MATR3: variants seen among roughly 807,000 people sequenced by gnomAD.
MATR3 encodes matrin 3, also known as matrin-3.
MATR3 carries 4 observed loss-of-function variants against 85.5 expected under a neutral mutation model. The ratio of observed to expected loss-of-function variants is 0.05; its 90% confidence interval spans 0.02 to 0.11. The LOEUF (loss-of-function observed/expected upper bound fraction) is 0.11, where lower values mean the gene tolerates loss of function less well. Among genes scored for constraint, MATR3 ranks in the 10% least tolerant of loss-of-function variants. The pLI is 1.00. For synonymous variants in MATR3, 336 were observed against 343.1 expected (o/e 0.98, Z 0.23); for missense variants, 685 against 1,016.1 (o/e 0.67, Z 4.43).
rs73255234 is a variant in MATR3, at chr5:139,317,405, G to A, written c.1183-191G>A. 0.019 allele frequency among the ~76,000 whole-genome samples: 2,850 copies of A among 152,200 alleles called. 103 individuals are homozygous for A. The highest frequency in any genetic ancestry group is 0.065 in the African/African-American group (2,714 of 41,506). On this transcript the variant is annotated intron_variant, in intron 6 of 14. Transcript: ENST00000394805. ...TTTGACACTTTGAAGTAGTTTAACC[G>A]TTTGGTTATGGTCAGAAAGAACTTA... is the stretch of plus-strand genomic sequence containing the variant.
At chr5:139,278,232 A>AT (rs1561917303) in intron 2 of MATR3, 3 of 318,084 alleles carry the variant, frequency 9.4e-6, no homozygotes, top group Admixed American at 3.3e-5. Context: ...TATCTCAAAA[A>AT]ATATATATAT....
chr5:139,304,737 G>C (rs1198123600), intron 1 of MATR3, among the ~76,000 whole-genome samples: 1 of 152,132 alleles, frequency 6.6e-6, no homozygotes, highest in Non-Finnish European at 1.5e-5. Context: ...TTAACCTCTA[G>C]TGCAGTTTCC....
intron 6 of MATR3, among the ~76,000 whole-genome samples, 156 bp from the exon 7 acceptor site, chr5:139,317,440 G>A (rs185853996): frequency 5.9e-5 from 9 of 152,266 alleles, no homozygotes; most frequent in African/African-American, 1.7e-4. Flanking sequence ...ACCCAGTGAC[G>A]TTTGATATGT....
chr5:139,314,868 A>G, intron 3 of MATR3, 132 bp downstream of exon 3: 1 of 758,688 alleles, frequency 1.3e-6, no homozygotes, highest in Non-Finnish European at 2.3e-6. Flanking sequence ...TATGGACAAT[A>G]CTATTTACAA....
rs1037691202 is a variant in MATR3 at position 139,294,052 on chromosome 5, C to G, written c.-178+247C>G. 12 of 1,249,278 alleles carry G rather than the reference C, an allele frequency of 9.6e-6. No homozygotes were observed. The African/African-American group carries it at 1.2e-4, about 13-fold the overall frequency. The allele number at this position is 1,249,278 out of a possible 1,614,324, so 77.4% of individuals were successfully genotyped here. ...AGGTGAGCGGTCCGGGAGGGAAACA[C>G]GCGGCCGGCCAAGGGCCCAGGGTGC... is the stretch of plus-strand genomic sequence containing the variant. On this transcript the variant is annotated intron_variant, in intron 1 of 14. Coordinates refer to ENST00000394805, the MANE Select transcript of MATR3 (RefSeq NM_018834.6).
At position 139,315,889 on chromosome 5, in the gene MATR3, G is replaced by C. The variant is rs557029204; in HGVS notation, c.1016+151G>C. On this transcript the variant is annotated intron_variant, in intron 4 of 14. Coordinates refer to ENST00000394805, the MANE Select transcript of MATR3 (RefSeq NM_018834.6). The stretch of plus-strand genomic sequence containing the variant: ...AATTCACTTTGGTTAACAATTTTTA[G>C]AATATATATTATGTAGTAATTTGTA... 5.5e-4 allele frequency: 432 copies of C among 779,506 alleles called. 10 individuals are homozygous for C. The South Asian group carries it at 6.6e-3, about 12-fold the overall frequency. The allele number at this position is 779,506 out of a possible 1,614,324, so 48.3% of individuals were successfully genotyped here.
At chr5:139,313,943 C>G (rs576556442) in intron 2 of MATR3, 1 of 151,904 alleles carries the variant, frequency 6.6e-6, no homozygotes, top group Admixed American at 6.6e-5. Flanking sequence ...TGTTTTGAGA[C>G]GGAGTCTTTG....
At chr5:139,317,240 C>G (rs1388462895) in intron 6 of MATR3, 135 bp downstream of exon 6, 5 of 933,030 alleles carry the variant, frequency 5.4e-6, no homozygotes, top group Non-Finnish European at 8.5e-6. Flanking sequence ...TCACGTTTTT[C>G]TATGGCTTTG....
chr5:139,296,166 A>G (rs569773816), intron 1 of MATR3, among the ~76,000 whole-genome samples: 21 of 152,316 alleles, frequency 1.4e-4, no homozygotes, highest in African/African-American at 5.1e-4. Flanking sequence ...GCGTATATAA[A>G]TTTAATATCA....
chr5:139,305,582 A>C (rs1291083881), intron 1 of MATR3, among the ~76,000 whole-genome samples: 1 of 152,172 alleles, frequency 6.6e-6, no homozygotes, highest in Admixed American at 6.5e-5. Flanking sequence ...TTTACATAGC[A>C]TCTCAGCCGC....
At chr5:139,305,698 A>ACC (rs1248911201) in intron 1 of MATR3, among the ~76,000 whole-genome samples, 1 of 152,108 alleles carries the variant, frequency 6.6e-6, no homozygotes, top group Non-Finnish European at 1.5e-5. Flanking sequence ...TACATAGTGG[A>ACC]TCTTGTCTAG....
intron 1 of MATR3, among the ~76,000 whole-genome samples, chr5:139,301,717 T>C (rs1754454248): frequency 6.6e-6 from 1 of 152,214 alleles, no homozygotes; most frequent in Admixed American, 6.5e-5. Context: ...ACAATGAACA[T>C]CATCAGGTAC....
chr5:139,325,683 C>T (rs751820587), intron 13 of MATR3, 21 bp downstream of exon 13: 23 of 1,586,390 alleles, frequency 1.4e-5, no homozygotes, highest in African/African-American at 1.2e-4. Flanking sequence ...AGTCTTTGTT[C>T]TTCACCTTCC....
chr5:139,323,578 C>T (rs1317589214), intron 12 of MATR3, among the ~76,000 whole-genome samples: 1 of 152,154 alleles, frequency 6.6e-6, no homozygotes, highest in Non-Finnish European at 1.5e-5. Context: ...ATTAAAATGC[C>T]TTTGAGGCAA....
In MATR3 at chr5:139,319,391, A is replaced by T. The variant is rs752503295; in HGVS notation, c.1492A>T (p.Ile498Leu). Residue 498 changes from isoleucine (I) to leucine (L), a missense_variant, in exon 9 of 15, where the codon ATA becomes TTA. Physicochemically the swap from Ile to Leu is conservative, Grantham distance 5 (BLOSUM62 2). Coordinates refer to ENST00000394805, the MANE Select transcript of MATR3 (RefSeq NM_018834.6). Reference protein sequence around the residue: ...FDQKQELGRVIHLSNLPHSGY... With the variant: ...FDQKQELGRVLHLSNLPHSGY... ...TCAAAAGCAAGAGCTTGGACGTGTG[A>T]TACATCTCAGCAATTTGCCGCATTC... 6.2e-7 allele frequency: 1 copy of T among 1,614,210 alleles called. No individual in the cohort carries two copies. Among genetic ancestry groups the T allele is most frequent in the Admixed American group, 1.7e-5 (1 of 60,026 alleles).
At chr5:139,278,772 C>T (rs749404686) in intron 2 of MATR3, 2 of 500,648 alleles carry the variant, frequency 4.0e-6, no homozygotes, top group South Asian at 2.8e-5. Flanking sequence ...AAAGCTGTTT[C>T]AGGAATCATC....
chr5:139,275,142 ATTT>A (rs750841386), intron 1 of MATR3, among the ~76,000 whole-genome samples: 63 of 40,908 alleles, frequency 1.5e-3, no homozygotes, highest in African/African-American at 5.6e-3. Context: ...CGCCCGGCTA[ATTT>A]TTTTTTTTTT....
Position 139,276,451 on chromosome 5 carries a change from T to A in MATR3, c.-257+301T>A, listed in dbSNP as rs529643920. On this transcript the variant is annotated intron_variant, in intron 2 of 16. Transcript: ENST00000509990. Reference sequence around the variant, plus strand: ...ACTGATAGCTAAATTTAAAAAAAAATTGCCAAAAATAACTCCTCATAATGT... The same window carrying A: ...ACTGATAGCTAAATTTAAAAAAAAAATGCCAAAAATAACTCCTCATAATGT... 4 of 332,286 alleles carry A rather than the reference T, an allele frequency of 1.2e-5. No individual in the cohort carries two copies. The East Asian group carries it at 2.3e-4, about 19-fold the overall frequency. The allele number at this position is 332,286 out of a possible 1,614,324, so 20.6% of individuals were successfully genotyped here.
At chr5:139,278,515 G>GGTAAA (rs1554142558) in intron 2 of MATR3, 23 of 381,450 alleles carry the variant, frequency 6.0e-5, no homozygotes, top group Non-Finnish European at 3.7e-5. Flanking sequence ...ACCTGTATTT[G>GGTAAA]TAAGATCCAT....
Sources: allele counts gnomAD v4.1 joint callset (sites outside exome capture counted in the v4.1 genomes callset), GRCh38; gene constraint gnomAD v4.1.1; transcripts MANE v1.5; gene names NCBI Gene and HGNC (gene_info 2026-07-23, HGNC 2026-07-21).